KLHL5: variants seen among roughly 807,000 people sequenced by gnomAD.
The protein encoded by KLHL5 is kelch-like protein 5.
Under a neutral mutation model 77.7 loss-of-function variants are expected in KLHL5, and 48 were observed. The observed-to-expected ratio is 0.62, with a 90% CI of 0.49 to 0.79. The LOEUF (loss-of-function observed/expected upper bound fraction) is 0.79. Ranked by LOEUF, KLHL5 falls within the 30% of genes least tolerant of loss-of-function variation. The pLI, the probability that KLHL5 is intolerant of heterozygous loss-of-function variation, is 0.00. For synonymous variants in KLHL5, 260 were observed against 297.0 expected, an observed-to-expected ratio of 0.88 and a Z score of 1.28; for missense variants, 723 against 859.7, an observed-to-expected ratio of 0.84 and a Z score of 1.99.
chr4:39,105,349 G>A (rs1472984227), intron 7 of KLHL5, among the ~76,000 whole-genome samples: 1 of 151,560 alleles, frequency 6.6e-6, no homozygotes, highest in Non-Finnish European at 1.5e-5. Context: ...GTTTCACTAT[G>A]TTACCCAGGC....
intron 1 of KLHL5, among the ~76,000 whole-genome samples, chr4:39,070,302 G>A (rs1294285329): frequency 6.6e-6 from 1 of 152,112 alleles, no homozygotes; most frequent in African/African-American, 2.4e-5. Flanking sequence ...AGGAATGCTG[G>A]ATAGGAAAAA....
downstream of KLHL5, among the ~76,000 whole-genome samples, chr4:39,128,109 G>A (rs1192222463): frequency 2.0e-5 from 3 of 152,134 alleles, no homozygotes; most frequent in African/African-American, 7.2e-5. Flanking sequence ...ATAAAACAAA[G>A]GAGGGGAGAG....
chr4:39,128,665 T>G (rs562288755), downstream of KLHL5, among the ~76,000 whole-genome samples: 55 of 152,276 alleles, frequency 3.6e-4, no homozygotes, highest in African/African-American at 1.3e-3. Context: ...TGTCTGTACA[T>G]GACTAATATT....
the KLHL5 span, among the ~76,000 whole-genome samples, chr4:39,140,439 A>G: frequency 5.9e-5 from 9 of 152,244 alleles, no homozygotes; most frequent in Admixed American, 5.9e-4. Context: ...AAACTATTTC[A>G]GGGTGATGGA....
At chr4:39,057,973 A>C (rs775338395), upstream of KLHL5, among the ~76,000 whole-genome samples, 1 of 152,182 alleles carries the variant, frequency 6.6e-6, no homozygotes, top group Non-Finnish European at 1.5e-5. Flanking sequence ...CAGTGTTTCT[A>C]TTGTAATACT....
chr4:39,071,126 T>C (rs1718437745), intron 1 of KLHL5, among the ~76,000 whole-genome samples: 1 of 152,134 alleles, frequency 6.6e-6, no homozygotes, highest in Admixed American at 6.6e-5. Context: ...AATTAGTAAA[T>C]TTGGGCACAT....
intron 1 of KLHL5, among the ~76,000 whole-genome samples, chr4:39,056,169 C>G (rs539103494): frequency 8.1e-4 from 124 of 152,306 alleles, no homozygotes; most frequent in African/African-American, 2.9e-3. Flanking sequence ...GTTGCCCGAG[C>G]AGCCGTGCAA....
At chr4:39,118,219 A>G (rs978288768) in intron 10 of KLHL5, among the ~76,000 whole-genome samples, 4 of 152,202 alleles carry the variant, frequency 2.6e-5, no homozygotes, top group African/African-American at 7.2e-5. Context: ...CAACAACCCT[A>G]TAAGGTTGAG....
At chr4:39,137,692 T>C in the KLHL5 span, among the ~76,000 whole-genome samples, 2 of 151,848 alleles carry the variant, frequency 1.3e-5, no homozygotes, top group Non-Finnish European at 2.9e-5. Context: ...GCATGGAAAA[T>C]ACAAGGTGAA....
At chr4:39,070,183 C>G (rs181902560) in intron 1 of KLHL5, among the ~76,000 whole-genome samples, 2 of 152,076 alleles carry the variant, frequency 1.3e-5, no homozygotes, top group Non-Finnish European at 2.9e-5. Context: ...CTACAATACT[C>G]TTATTGGCCA....
chr4:39,056,610 C>G (rs1717026480), intron 1 of KLHL5, among the ~76,000 whole-genome samples: 2 of 152,224 alleles, frequency 1.3e-5, no homozygotes, highest in Admixed American at 6.5e-5. Context: ...CCAAAGATAA[C>G]CAGTGTTAAC....
chr4:39,115,056 A>C (rs1291946369), intron 9 of KLHL5, 103 bp from the exon 10 acceptor site: 1 of 983,220 alleles, frequency 1.0e-6, no homozygotes, highest in Non-Finnish European at 1.5e-6. Flanking sequence ...GTATTTGATT[A>C]CATAGTAGAT....
At position 39,090,661 on chromosome 4, in the gene KLHL5, C is replaced by CTGG. The variant is rs557322447; in HGVS notation, c.1113+3936_1113+3938dup. On this transcript the variant is annotated intron_variant, in intron 5 of 10. Coordinates refer to ENST00000504108, the MANE Select transcript of KLHL5 (RefSeq NM_015990.5). ...ATGGGGTTTCACCATGTTGGCCAGG[C>CTGG]TGGTCTTGAACTCCTGACCTCAGGT... Among the ~76,000 whole-genome samples the CTGG allele has an allele frequency of 2.1e-4, 32 of 152,146 alleles. No individual in the cohort carries two copies. The East Asian group carries it at 5.6e-3, about 27-fold the overall frequency.
chr4:39,072,687 A>G (rs2566135), intron 1 of KLHL5, among the ~76,000 whole-genome samples: 94 of 151,786 alleles, frequency 6.2e-4, no homozygotes, highest in African/African-American at 2.2e-3. Flanking sequence ...AATGTGCTTC[A>G]TCGCTCACCA....
intron 1 of KLHL5, among the ~76,000 whole-genome samples, chr4:39,071,986 CA>C (rs1718522676): frequency 6.6e-6 from 1 of 151,980 alleles, no homozygotes; most frequent in Non-Finnish European, 1.5e-5. Context: ...TGTAAAAGAT[CA>C]AGTAGAAATC....
Sources: allele counts gnomAD v4.1 joint callset (sites outside exome capture counted in the v4.1 genomes callset), GRCh38; gene constraint gnomAD v4.1.1; transcripts MANE v1.5; gene names NCBI Gene and HGNC (gene_info 2026-07-23, HGNC 2026-07-21).